AFG2A: variants seen among roughly 807,000 people sequenced by gnomAD.
The protein encoded by AFG2A is AAA ATPase AFG2A.
the AFG2A span, among the ~76,000 whole-genome samples, chr4:123,022,728 A>G: frequency 1.3e-5 from 2 of 151,874 alleles, no homozygotes; most frequent in African/African-American, 4.8e-5. Flanking sequence ...ATAAAGACAC[A>G]TGCACACGTA....
chr4:122,936,110 G>A, the AFG2A span: 1 of 1,603,440 alleles, frequency 6.2e-7, no homozygotes, highest in Non-Finnish European at 8.5e-7. Flanking sequence ...ATTCTATGGT[G>A]AGACTGAAGC....
the AFG2A span, among the ~76,000 whole-genome samples, chr4:122,980,541 T>G: frequency 6.6e-6 from 1 of 152,188 alleles, no homozygotes; most frequent in Non-Finnish European, 1.5e-5. Flanking sequence ...GCTGAATCTT[T>G]TGGTAACTTA....
chr4:123,073,636 C>T, the AFG2A span, among the ~76,000 whole-genome samples: 138,353 of 152,190 alleles, frequency 0.91, 63,128 homozygotes, highest in East Asian at 0.97. Context: ...ACTACTTCTT[C>T]GTCAAAGAAA....
At chr4:123,136,679 A>T in the AFG2A span, among the ~76,000 whole-genome samples, 3 of 151,252 alleles carry the variant, frequency 2.0e-5, no homozygotes, top group Admixed American at 2.0e-4. Flanking sequence ...CGTCTCAAAA[A>T]AAAAAAATAT....
chr4:123,282,151 T>C, the AFG2A span, among the ~76,000 whole-genome samples: 1 of 152,204 alleles, frequency 6.6e-6, no homozygotes, highest in East Asian at 1.9e-4. Context: ...CTCTGTACTT[T>C]ATGCCCAGTT....
At chr4:123,247,296 G>A in the AFG2A span, among the ~76,000 whole-genome samples, 1 of 151,474 alleles carries the variant, frequency 6.6e-6, no homozygotes, top group Non-Finnish European at 1.5e-5. Flanking sequence ...TACCCACTTA[G>A]CTATATTCTA....
chr4:123,313,217 C>T, the AFG2A span, among the ~76,000 whole-genome samples: 8 of 152,122 alleles, frequency 5.3e-5, no homozygotes, highest in African/African-American at 1.4e-4. Flanking sequence ...GCATCCATTC[C>T]GCCCCCTCCC....
At chr4:122,984,835 T>G in the AFG2A span, among the ~76,000 whole-genome samples, 1,834 of 152,336 alleles carry the variant, frequency 0.012, 42 homozygotes, top group African/African-American at 0.041. Context: ...TTTAGTATGT[T>G]GTTGGATTTG....
chr4:123,214,194 T>C, the AFG2A span, among the ~76,000 whole-genome samples: 1 of 152,186 alleles, frequency 6.6e-6, no homozygotes, highest in Non-Finnish European at 1.5e-5. Context: ...ATAAGTATTC[T>C]TGGGCATTTT....
the AFG2A span, among the ~76,000 whole-genome samples, chr4:123,007,900 T>C: frequency 5.9e-4 from 89 of 152,066 alleles, 1 homozygote; most frequent in Middle Eastern, 3.4e-3. Flanking sequence ...TGGTTTCCCT[T>C]TTCTCAAGGG....
chr4:123,041,970 A>C, the AFG2A span, among the ~76,000 whole-genome samples: 1 of 152,194 alleles, frequency 6.6e-6, no homozygotes, highest in Non-Finnish European at 1.5e-5. Flanking sequence ...AATATGATGC[A>C]AGGCAGTGTC....
the AFG2A span, among the ~76,000 whole-genome samples, chr4:123,217,000 A>G: frequency 1.3e-5 from 2 of 152,210 alleles, no homozygotes; most frequent in African/African-American, 4.8e-5. Context: ...GTTAATCAAC[A>G]TTATAGCAAT....
the AFG2A span, among the ~76,000 whole-genome samples, chr4:123,305,933 T>C: frequency 1.4e-3 from 220 of 152,350 alleles, 1 homozygote; most frequent in Middle Eastern, 6.8e-3. Flanking sequence ...TTTGCCCTTT[T>C]GCATTTAAAA....
At chr4:123,075,647 A>C in the AFG2A span, among the ~76,000 whole-genome samples, 1 of 152,062 alleles carries the variant, frequency 6.6e-6, no homozygotes, top group African/African-American at 2.4e-5. Flanking sequence ...TGAGCACTTA[A>C]AAAATGGCAT....
the AFG2A span, chr4:122,936,046 C>A: frequency 6.9e-7 from 1 of 1,455,140 alleles, no homozygotes; most frequent in Admixed American, 2.2e-5. Flanking sequence ...CTTTTATAGA[C>A]AAAGCTTTAA....
At chr4:123,021,526 A>T in the AFG2A span, among the ~76,000 whole-genome samples, 4 of 152,212 alleles carry the variant, frequency 2.6e-5, no homozygotes, top group Non-Finnish European at 1.5e-5. Flanking sequence ...GGATCTTAAT[A>T]GACTATAAGA....
chr4:123,076,742 T>C, the AFG2A span, among the ~76,000 whole-genome samples: 1 of 152,036 alleles, frequency 6.6e-6, no homozygotes, highest in South Asian at 2.1e-4. Context: ...CCAAAAGAAA[T>C]CAATGTAGAA....
chr4:123,127,734 A>G, the AFG2A span, among the ~76,000 whole-genome samples: 2 of 152,276 alleles, frequency 1.3e-5, no homozygotes, highest in South Asian at 4.1e-4. Flanking sequence ...ATTAACTTTT[A>G]TGGAATACCT....
chr4:123,284,556 A>G, the AFG2A span, among the ~76,000 whole-genome samples: 1 of 152,242 alleles, frequency 6.6e-6, no homozygotes, highest in Non-Finnish European at 1.5e-5. Flanking sequence ...GGGTGACTTA[A>G]GGTAAAGCAA....
Sources: allele counts gnomAD v4.1 joint callset (sites outside exome capture counted in the v4.1 genomes callset), GRCh38; gene constraint gnomAD v4.1.1; transcripts MANE v1.5; gene names NCBI Gene and HGNC (gene_info 2026-07-23, HGNC 2026-07-21).